The following STARD6 variants were observed in gnomAD, a reference collection of about 807,000 sequenced individuals.
STARD6 encodes the protein StAR related lipid transfer domain containing 6, also known as stAR-related lipid transfer protein 6.
STARD6 carries 21 observed loss-of-function variants against 22.3 expected under a neutral mutation model. The observed-to-expected ratio is 0.94, with a 90% CI of 0.67 to 1.35. STARD6 has a LOEUF of 1.35. Ranked by LOEUF, STARD6 falls within the 40% of genes most tolerant of loss-of-function variation. STARD6 has a pLI of 0.00. For synonymous variants in STARD6, 80 were observed against 88.1 expected (o/e 0.91, Z 0.52); for missense variants, 269 against 266.9 (o/e 1.01, Z -0.05).
chr18:54,346,609 A>T (rs574921134), intron 4 of STARD6, among the ~76,000 whole-genome samples: 77 of 152,276 alleles, frequency 5.1e-4, no homozygotes, highest in African/African-American at 1.8e-3. Flanking sequence ...ATTTGTACAC[A>T]AATTTCATAA....
At chr18:54,351,236 T>C (rs2089093113) in intron 4 of STARD6, among the ~76,000 whole-genome samples, 1 of 152,116 alleles carries the variant, frequency 6.6e-6, no homozygotes, top group South Asian at 2.1e-4. Context: ...TTTTTTGCAG[T>C]GGTTGAAAAA....
chr18:54,339,175 T>C (rs998338098), intron 4 of STARD6, among the ~76,000 whole-genome samples: 2 of 145,850 alleles, frequency 1.4e-5, no homozygotes, highest in African/African-American at 5.1e-5. Context: ...AAATGTGATA[T>C]GCCATTAAAC....
At chr18:54,346,665 A>G (rs2089039646) in intron 4 of STARD6, among the ~76,000 whole-genome samples, 1 of 152,184 alleles carries the variant, frequency 6.6e-6, no homozygotes, top group Non-Finnish European at 1.5e-5. Flanking sequence ...AGTATATATT[A>G]ACTGACGAAT....
chr18:54,336,997 T>G (rs2088920323), intron 5 of STARD6, 128 bp downstream of exon 5: 1 of 838,574 alleles, frequency 1.2e-6, no homozygotes, highest in African/African-American at 1.7e-5. Context: ...AAAGCTTTTA[T>G]AAAGACTTCA....
chr18:54,338,106 G>A (rs761001144), intron 4 of STARD6, among the ~76,000 whole-genome samples: 2 of 152,192 alleles, frequency 1.3e-5, no homozygotes, highest in Non-Finnish European at 1.5e-5. Context: ...GATTAGCAAA[G>A]AGCTGATGCC....
chr18:54,325,852 A>G (rs2088820734), intron 7 of STARD6, among the ~76,000 whole-genome samples: 1 of 152,046 alleles, frequency 6.6e-6, no homozygotes, highest in Non-Finnish European at 1.5e-5. Flanking sequence ...ACCCAGCCCC[A>G]TTTACACTTT....
intron 7 of STARD6, 28 bp from the exon 8 acceptor site, chr18:54,324,903 G>T: frequency 6.8e-7 from 1 of 1,472,532 alleles, no homozygotes; most frequent in Non-Finnish European, 9.0e-7. Context: ...GTTAAAAAAA[G>T]ATAAGAAATT....
In STARD6 at chr18:54,331,735, A is replaced by C; in HGVS notation, c.385+7T>G. 1.9e-6 allele frequency: 3 copies of C among 1,583,558 alleles called. No individual in the cohort carries two copies. In the South Asian group the frequency reaches 3.4e-5, roughly 18 times the overall value. On this transcript the variant is annotated splice_region_variant and intron_variant, in intron 6 of 7. Transcript: ENST00000307844. ...TTCCAAGATATGGGCAAAATGTTTC[A>C]ACTTACAACTGATAATGTTCATATT...
intron 4 of STARD6, among the ~76,000 whole-genome samples, chr18:54,345,199 T>G (rs2089023407): frequency 6.6e-6 from 1 of 152,076 alleles, no homozygotes; most frequent in East Asian, 1.9e-4. Context: ...GGATACAAGA[T>G]CAATATATAA....
intron 2 of STARD6, among the ~76,000 whole-genome samples, chr18:54,355,320 G>A (rs570355731): frequency 1.3e-5 from 2 of 152,174 alleles, no homozygotes; most frequent in African/African-American, 4.8e-5. Flanking sequence ...CCTCAGATAG[G>A]ATCAAGTTTA....
At chr18:54,333,378 G>C (rs2088881467) in intron 5 of STARD6, among the ~76,000 whole-genome samples, 1 of 152,210 alleles carries the variant, frequency 6.6e-6, no homozygotes, top group African/African-American at 2.4e-5. Context: ...GAACCTGGGA[G>C]GCGGAGCTTG....
At chr18:54,346,702 T>C (rs540195154) in intron 4 of STARD6, among the ~76,000 whole-genome samples, 10 of 152,218 alleles carry the variant, frequency 6.6e-5, no homozygotes, top group East Asian at 1.9e-4. Flanking sequence ...ATCCGTACCA[T>C]AGAACATTAT....
At chr18:54,331,601 T>G (rs1028004505) in intron 6 of STARD6, 141 bp downstream of exon 6, 2 of 620,764 alleles carry the variant, frequency 3.2e-6, no homozygotes, top group Admixed American at 2.8e-5. Flanking sequence ...ATCTACATGA[T>G]ACGTCTAATT....
intron 5 of STARD6, among the ~76,000 whole-genome samples, chr18:54,333,029 C>A (rs1333444697): frequency 6.6e-6 from 1 of 152,080 alleles, no homozygotes; most frequent in Non-Finnish European, 1.5e-5. Flanking sequence ...GGTACGAGTC[C>A]TGGTTCTATC....
rs111709472 is a variant in STARD6, at chr18:54,329,248, G to A, written c.479+99C>T. On this transcript the variant is annotated intron_variant, in intron 7 of 7. Transcript: ENST00000307844. ...AAGTTTTTTTCCCGCAACAGAATAT[G>A]CTGCTACATATTTCTACTGATGAGC... The A allele has an allele frequency of 2.3e-5, 21 of 895,098 alleles. 1 individual carries two copies. Among genetic ancestry groups the A allele is most frequent in the African/African-American group, 3.5e-5 (2 of 57,480 alleles). 55.4% of individuals were successfully genotyped at this position (895,098 alleles called of 1,614,324 possible).
At chr18:54,339,953 G>C (rs998454610) in intron 4 of STARD6, among the ~76,000 whole-genome samples, 2 of 151,874 alleles carry the variant, frequency 1.3e-5, no homozygotes, top group Non-Finnish European at 2.9e-5. Flanking sequence ...CAACAGAGGG[G>C]GATGGAAATA....
At chr18:54,355,063 T>C (rs550257478) in intron 2 of STARD6, among the ~76,000 whole-genome samples, 1 of 152,326 alleles carries the variant, frequency 6.6e-6, no homozygotes, top group Middle Eastern at 3.4e-3. Context: ...TTGAGGATTA[T>C]TTAAAGTGCG....
At chr18:54,336,485 C>T (rs565567769) in intron 5 of STARD6, among the ~76,000 whole-genome samples, 1 of 152,336 alleles carries the variant, frequency 6.6e-6, no homozygotes, top group South Asian at 2.1e-4. Context: ...AACTGTGTGT[C>T]AATTAAACCT....
At chr18:54,328,602 G>A (rs1307847868) in intron 7 of STARD6, among the ~76,000 whole-genome samples, 1 of 151,442 alleles carries the variant, frequency 6.6e-6, no homozygotes, top group East Asian at 1.9e-4. Context: ...AGGAATACAG[G>A]TCCAAAATTT....
Sources: gnomAD v4.1 joint callset for allele counts (sites outside exome capture counted in the v4.1 genomes callset) on GRCh38, gnomAD v4.1.1 for gene constraint, MANE v1.5 for transcripts, NCBI Gene and HGNC (gene_info 2026-07-23, HGNC 2026-07-21) for gene names.